Variants in NALCN observed in about 807,000 individuals in gnomAD.
The protein encoded by NALCN is sodium leak channel, non-selective, also known as sodium leak channel NALCN.
Under a neutral mutation model 225.3 loss-of-function variants are expected in NALCN, and 111 were observed. The observed-to-expected ratio is 0.49, with a 90% confidence interval of 0.42 to 0.58. The LOEUF is 0.58. Ranked by LOEUF, NALCN falls within the 20% of genes least tolerant of loss-of-function variation. The probability of loss-of-function intolerance (pLI) is 0.00; values close to 1 mark genes in which losing one functional copy is unlikely to be tolerated. For missense variants in NALCN, 1,378 were observed against 2,202.4 expected, an observed-to-expected ratio of 0.63 and a Z score of 7.49; for synonymous variants, 764 against 769.0, an observed-to-expected ratio of 0.99 and a Z score of 0.11.
At chr13:101,193,068 C>T (rs564185920) in intron 13 of NALCN, among the ~76,000 whole-genome samples, 42 of 151,134 alleles carry the variant, frequency 2.8e-4, no homozygotes, top group African/African-American at 1.0e-3. Context: ...AAAGATAGAC[C>T]TAATCTGGTA....
chr13:101,241,435 T>C (rs1160966627), intron 11 of NALCN, among the ~76,000 whole-genome samples: 6 of 151,916 alleles, frequency 3.9e-5, no homozygotes, highest in African/African-American at 1.5e-4. Flanking sequence ...GATAACATGA[T>C]AACCTTTTTT....
chr13:101,289,265 T>C (rs1184432253), intron 9 of NALCN, among the ~76,000 whole-genome samples: 1 of 152,190 alleles, frequency 6.6e-6, no homozygotes, highest in Non-Finnish European at 1.5e-5. Flanking sequence ...TACATCATTT[T>C]CCTTCTGTTT....
chr13:101,294,401 T>C (rs1471854248), intron 7 of NALCN, among the ~76,000 whole-genome samples: 1 of 152,118 alleles, frequency 6.6e-6, no homozygotes, highest in Admixed American at 6.5e-5. Flanking sequence ...ATTTGATAAT[T>C]ACACATTTTA....
chr13:101,127,435 T>A (rs1957507537), intron 17 of NALCN, among the ~76,000 whole-genome samples: 1 of 152,174 alleles, frequency 6.6e-6, no homozygotes, highest in Non-Finnish European at 1.5e-5. Context: ...CCCGGCTCAC[T>A]GCAACCTCCG....
At chr13:101,321,509 T>C (rs2044745913) in intron 7 of NALCN, among the ~76,000 whole-genome samples, 1 of 152,116 alleles carries the variant, frequency 6.6e-6, no homozygotes, top group African/African-American at 2.4e-5. Flanking sequence ...CAGGAACAAT[T>C]TGGAAGTATA....
intron 2 of NALCN, 127 bp from the exon 3 acceptor site, chr13:101,395,492 G>T: frequency 2.4e-6 from 2 of 820,358 alleles, no homozygotes; most frequent in Non-Finnish European, 3.6e-6. Flanking sequence ...AGGTGAAGAA[G>T]AAGAAATCTA....
chr13:101,198,269 A>G (rs1182275159), intron 13 of NALCN, among the ~76,000 whole-genome samples: 1 of 152,218 alleles, frequency 6.6e-6, no homozygotes, highest in East Asian at 1.9e-4. Context: ...AGGAATGGCA[A>G]CAAAACCCAA....
intron 15 of NALCN, among the ~76,000 whole-genome samples, chr13:101,167,546 A>T (rs967896897): frequency 1.3e-5 from 2 of 152,094 alleles, no homozygotes; most frequent in Non-Finnish European, 2.9e-5. Flanking sequence ...AAATCAGAAA[A>T]TTGTAAGTTG....
intron 15 of NALCN, among the ~76,000 whole-genome samples, chr13:101,156,323 G>A (rs1305741369): frequency 1.3e-5 from 2 of 152,014 alleles, no homozygotes; most frequent in Non-Finnish European, 2.9e-5. Context: ...TGTTTTATTG[G>A]AGAATGTTAT....
At chr13:101,317,823 C>T (rs1044366274) in intron 7 of NALCN, among the ~76,000 whole-genome samples, 1 of 152,098 alleles carries the variant, frequency 6.6e-6, no homozygotes, top group African/African-American at 2.4e-5. Flanking sequence ...GCTTACATAA[C>T]CCACATAAAT....
rs149247415 is a variant in NALCN at position 101,380,747 on chromosome 13, T to C, written c.292-2094A>G. On this transcript the variant is annotated intron_variant, in intron 3 of 43. Coordinates refer to ENST00000251127, the MANE Select transcript of NALCN (RefSeq NM_052867.4). ...TATGGTGTATGCAAAACTAACACTA[T>C]GATAAAACACTTAATGGAAGTTATT... 6.2e-4 allele frequency among the ~76,000 whole-genome samples: 94 copies of C among 152,244 alleles called. 1 individual carries two copies. In the East Asian group the frequency reaches 0.012, roughly 19 times the overall value.
At chr13:101,296,814 C>G (rs1013352890) in intron 7 of NALCN, among the ~76,000 whole-genome samples, 5 of 152,194 alleles carry the variant, frequency 3.3e-5, no homozygotes, top group Non-Finnish European at 7.3e-5. Context: ...AACAATGATA[C>G]TCATGATAAT....
chr13:101,281,150 G>C (rs1594594887), intron 10 of NALCN, among the ~76,000 whole-genome samples: 3 of 152,182 alleles, frequency 2.0e-5, no homozygotes, highest in Non-Finnish European at 4.4e-5. Context: ...CAAAATGCTG[G>C]AATTACTCAA....
chr13:101,184,669 C>T (rs1225751985), intron 14 of NALCN, among the ~76,000 whole-genome samples: 2 of 152,030 alleles, frequency 1.3e-5, no homozygotes, highest in Non-Finnish European at 2.9e-5. Flanking sequence ...CTCATTCCCT[C>T]GGAATAAGAC....
At chr13:101,101,358 G>A (rs1393734557) in intron 26 of NALCN, among the ~76,000 whole-genome samples, 1 of 134,830 alleles carries the variant, frequency 7.4e-6, no homozygotes, top group Non-Finnish European at 1.5e-5. Flanking sequence ...TCAGCTCACT[G>A]CAACCTCCAC....
chr13:101,306,979 G>A (rs2044173452), intron 7 of NALCN, among the ~76,000 whole-genome samples: 1 of 152,148 alleles, frequency 6.6e-6, no homozygotes, highest in African/African-American at 2.4e-5. Flanking sequence ...GATGCCTTCA[G>A]TCCCTGGAAG....
At chr13:101,238,043 G>A (rs2140157258) in intron 11 of NALCN, 121 bp from the exon 12 acceptor site, 2 of 722,568 alleles carry the variant, frequency 2.8e-6, no homozygotes, top group East Asian at 6.1e-5. Context: ...TGCCCCATAA[G>A]GTCAAGAATG....
chr13:101,116,425 G>A, intron 18 of NALCN: 2 of 400,522 alleles, frequency 5.0e-6, no homozygotes, highest in South Asian at 2.1e-5. Flanking sequence ...TTTAAAATTG[G>A]CCCAAAGATT....
chr13:101,380,365 T>G (rs2046814886), intron 3 of NALCN, among the ~76,000 whole-genome samples: 1 of 152,202 alleles, frequency 6.6e-6, no homozygotes, highest in Non-Finnish European at 1.5e-5. Context: ...ATAGGGTATC[T>G]ATTCTGACAT....
Sources: allele counts gnomAD v4.1 joint callset (sites outside exome capture counted in the v4.1 genomes callset), GRCh38; gene constraint gnomAD v4.1.1; transcripts MANE v1.5; gene names NCBI Gene and HGNC (gene_info 2026-07-23, HGNC 2026-07-21).